PDSS2: variants seen among roughly 807,000 people sequenced by gnomAD.
The protein encoded by PDSS2 is all trans-polyprenyl-diphosphate synthase PDSS2.
PDSS2 carries 31 observed loss-of-function variants against 44.5 expected under a neutral mutation model. That is an observed-to-expected ratio of 0.70 (90% CI 0.52 to 0.94). The LOEUF is 0.94. Ranked by LOEUF, PDSS2 falls within the 40% of genes least tolerant of loss-of-function variation. The probability of loss-of-function intolerance (pLI) is 0.00; values close to 1 mark genes in which losing one functional copy is unlikely to be tolerated. For synonymous variants in PDSS2, 157 were observed against 180.3 expected (o/e 0.87, Z 1.03); for missense variants, 452 against 482.2 (o/e 0.94, Z 0.59).
At chr6:107,245,846 T>C in intron 3 of PDSS2, among the ~76,000 whole-genome samples, 1 of 152,168 alleles carries the variant, frequency 6.6e-6, no homozygotes, top group African/African-American at 2.4e-5. Context: ...CTTATAAGCA[T>C]AGCATTTAAC....
At chr6:107,397,647 A>G (rs574451737) in intron 1 of PDSS2, among the ~76,000 whole-genome samples, 19 of 152,220 alleles carry the variant, frequency 1.2e-4, no homozygotes, top group Non-Finnish European at 2.5e-4. Context: ...AAGAACAATG[A>G]ATAGACAAAT....
At chr6:107,236,372 G>A (rs1239422701) in intron 4 of PDSS2, among the ~76,000 whole-genome samples, 3 of 152,148 alleles carry the variant, frequency 2.0e-5, no homozygotes, top group African/African-American at 7.2e-5. Context: ...GGAGGCTGAG[G>A]CAGGAGAATT....
At chr6:107,238,025 G>A (rs573846774) in intron 4 of PDSS2, among the ~76,000 whole-genome samples, 6 of 150,432 alleles carry the variant, frequency 4.0e-5, no homozygotes, top group African/African-American at 4.9e-5. Flanking sequence ...AATATAATCC[G>A]TGCTTGAAAA....
At chr6:107,178,480 A>G (rs1771869038) in intron 7 of PDSS2, among the ~76,000 whole-genome samples, 1 of 152,218 alleles carries the variant, frequency 6.6e-6, no homozygotes, top group South Asian at 2.1e-4. Context: ...TATTATCTAT[A>G]AAACTTTCTT....
intron 2 of PDSS2, among the ~76,000 whole-genome samples, chr6:107,293,668 C>A (rs749742346): frequency 6.6e-6 from 1 of 152,130 alleles, no homozygotes; most frequent in Non-Finnish European, 1.5e-5. Flanking sequence ...CTGCTTCAGG[C>A]ACAACTGGAC....
At chr6:107,417,765 A>C (rs1780705974) in intron 1 of PDSS2, among the ~76,000 whole-genome samples, 1 of 130,776 alleles carries the variant, frequency 7.6e-6, no homozygotes, top group African/African-American at 2.9e-5. Context: ...ATCTTCAAAA[A>C]AATTAATAAT....
chr6:107,179,288 CT>C (rs966746535), intron 7 of PDSS2, among the ~76,000 whole-genome samples: 105 of 145,650 alleles, frequency 7.2e-4, no homozygotes, highest in Middle Eastern at 3.6e-3. Context: ...CCTTCTTCTT[CT>C]TTTTTTTTTT....
At chr6:107,457,078 T>A (rs756648404) in intron 1 of PDSS2, among the ~76,000 whole-genome samples, 3 of 152,198 alleles carry the variant, frequency 2.0e-5, no homozygotes, top group Non-Finnish European at 4.4e-5. Flanking sequence ...GTGACATTCC[T>A]GATAACTGGG....
At chr6:107,351,414 T>C (rs1036320211) in intron 1 of PDSS2, among the ~76,000 whole-genome samples, 6 of 152,208 alleles carry the variant, frequency 3.9e-5, no homozygotes, top group Non-Finnish European at 5.9e-5. Context: ...ATTTCAGGAT[T>C]ATTTTGTTTT....
intron 1 of PDSS2, among the ~76,000 whole-genome samples, chr6:107,386,229 C>G (rs1371630412): frequency 6.6e-6 from 1 of 152,048 alleles, no homozygotes; most frequent in African/African-American, 2.4e-5. Flanking sequence ...ATCCACTTTT[C>G]TTCTGGGTTC....
At chr6:107,405,081 A>G (rs1780267802) in intron 1 of PDSS2, among the ~76,000 whole-genome samples, 1 of 152,110 alleles carries the variant, frequency 6.6e-6, no homozygotes, top group Non-Finnish European at 1.5e-5. Flanking sequence ...GTAACAGCAA[A>G]CTTCTGAGCA....
rs1295211284 is a variant in PDSS2, at chr6:107,459,529, C to G, written c.-244G>C. On this transcript the variant is annotated 5_prime_UTR_variant, in exon 1 of 8. Transcript: ENST00000369037. The surrounding 1 kb of genome is among the most constrained non-coding windows in gnomAD (Gnocchi z 4.3). ...CGGCCACCCGGGGTAGAAACCACAG[C>G]CACTGCCTATGTGGAGGACGCCATA... 1 of 562,678 alleles carries G rather than the reference C, an allele frequency of 1.8e-6. No homozygotes were observed. 34.9% of individuals were successfully genotyped at this position (562,678 alleles called of 1,614,324 possible). A position where few individuals can be genotyped will look rare whatever the true frequency, so the allele number is the denominator to read the frequency against.
chr6:107,250,401 T>A (rs1280532267), intron 3 of PDSS2, among the ~76,000 whole-genome samples: 2 of 152,230 alleles, frequency 1.3e-5, no homozygotes, highest in African/African-American at 4.8e-5. Flanking sequence ...GATTTTTAAT[T>A]TAAAAAATTG....
In PDSS2 at chr6:107,163,854, C is replaced by T. The variant is rs140363287; in HGVS notation, c.1042-9077G>A. 5.2e-3 allele frequency among the ~76,000 whole-genome samples: 796 copies of T among 152,256 alleles called. 6 individuals are homozygous for T. Among genetic ancestry groups the T allele is most frequent in the African/African-American group, 0.019 (769 of 41,544 alleles). On this transcript the variant is annotated intron_variant, in intron 7 of 7. Coordinates refer to ENST00000369037, the MANE Select transcript of PDSS2 (RefSeq NM_020381.4). ...CTGACCTCAGGTGATCCGTCCACCTCGGCCTCCCAAAGTGCTGGGATCACA... is the reference window on the plus strand; with the variant it reads ...CTGACCTCAGGTGATCCGTCCACCTTGGCCTCCCAAAGTGCTGGGATCACA...
At chr6:107,355,986 C>T (rs1778587694) in intron 1 of PDSS2, among the ~76,000 whole-genome samples, 1 of 152,190 alleles carries the variant, frequency 6.6e-6, no homozygotes, top group Admixed American at 6.5e-5. Flanking sequence ...GTCTACAGGA[C>T]ACACAATTCA....
intron 4 of PDSS2, among the ~76,000 whole-genome samples, chr6:107,228,354 C>T (rs1773906697): frequency 6.6e-6 from 1 of 152,132 alleles, no homozygotes; most frequent in Admixed American, 6.6e-5. Flanking sequence ...TGATTTCTAA[C>T]ATGTATACTT....
At chr6:107,404,042 C>A (rs1463276973) in intron 1 of PDSS2, among the ~76,000 whole-genome samples, 1 of 152,206 alleles carries the variant, frequency 6.6e-6, no homozygotes, top group African/African-American at 2.4e-5. Flanking sequence ...TGCTCTGCTT[C>A]CTCTTGAATG....
intron 3 of PDSS2, among the ~76,000 whole-genome samples, chr6:107,246,848 C>T (rs1224526598): frequency 6.6e-6 from 1 of 152,066 alleles, no homozygotes; most frequent in Non-Finnish European, 1.5e-5. Context: ...ATTTGTAAGA[C>T]ATATACAAAG....
At chr6:107,244,318 C>T (rs150798814) in intron 4 of PDSS2, among the ~76,000 whole-genome samples, 19 of 152,330 alleles carry the variant, frequency 1.2e-4, no homozygotes, top group Admixed American at 8.5e-4. Context: ...TGAAGAAACA[C>T]AGGCAAATCA....
Sources: gnomAD v4.1 joint callset for allele counts (sites outside exome capture counted in the v4.1 genomes callset) on GRCh38, gnomAD v4.1.1 for gene constraint, Gnocchi (gnomAD v3.1) non-coding constraint, MANE v1.5 for transcripts, NCBI Gene and HGNC (gene_info 2026-07-23, HGNC 2026-07-21) for gene names.